The following VPS35L variants were observed in gnomAD, a reference collection of about 807,000 sequenced individuals.
VPS35L encodes VPS35 endosomal protein sorting factor like, also known as VPS35 endosomal protein-sorting factor-like.
Under a neutral mutation model 133.0 loss-of-function variants are expected in VPS35L, and 83 were observed. That is an observed-to-expected ratio of 0.62 (90% confidence interval 0.52 to 0.75). The LOEUF (loss-of-function observed/expected upper bound fraction) is 0.75, where lower values mean the gene tolerates loss of function less well. Ranked by LOEUF, VPS35L falls within the 30% of genes least tolerant of loss-of-function variation. The pLI, the probability that VPS35L is intolerant of heterozygous loss-of-function variation, is 0.00. For missense variants in VPS35L, 1,083 were observed against 1,206.8 expected (o/e 0.90, Z 1.52); for synonymous variants, 423 against 449.9 (o/e 0.94, Z 0.76).
intron 14 of VPS35L, among the ~76,000 whole-genome samples, chr16:19,623,723 T>C (rs890754610): frequency 6.7e-6 from 1 of 149,102 alleles, no homozygotes; most frequent in Non-Finnish European, 1.5e-5. Context: ...GACGTAGATA[T>C]AGATCCCTTT....
intron 14 of VPS35L, among the ~76,000 whole-genome samples, chr16:19,624,251 G>C (rs1488525704): frequency 6.6e-6 from 1 of 151,284 alleles, no homozygotes; most frequent in Non-Finnish European, 1.5e-5. Context: ...GAGTAGCTGG[G>C]ACCACAGGCA....
At chr16:19,570,958 C>G (rs1018141765) in intron 3 of VPS35L, among the ~76,000 whole-genome samples, 35 of 149,592 alleles carry the variant, frequency 2.3e-4, no homozygotes, top group Non-Finnish European at 4.9e-4. Context: ...CTCGCAGCCT[C>G]CACCTCCCAG....
chr16:19,595,556 G>A (rs1164232546), intron 8 of VPS35L, among the ~76,000 whole-genome samples: 3 of 152,068 alleles, frequency 2.0e-5, no homozygotes, highest in East Asian at 1.9e-4. Flanking sequence ...CCTCTCCTAA[G>A]TTTCTTTTGT....
intron 3 of VPS35L, among the ~76,000 whole-genome samples, chr16:19,572,647 T>A (rs1430251499): frequency 6.6e-6 from 1 of 152,128 alleles, no homozygotes; most frequent in East Asian, 1.9e-4. Context: ...AGTTTGAGCA[T>A]TTTTTGATAT....
At chr16:19,680,824 G>A (rs569730923) in intron 27 of VPS35L, among the ~76,000 whole-genome samples, 18 of 152,068 alleles carry the variant, frequency 1.2e-4, no homozygotes, top group Admixed American at 9.2e-4. Context: ...GTGGAAGATC[G>A]CTTGAGCTCA....
chr16:19,671,739 T>C (rs567177191), intron 27 of VPS35L, among the ~76,000 whole-genome samples: 141 of 151,388 alleles, frequency 9.3e-4, no homozygotes, highest in African/African-American at 3.1e-3. Context: ...ATTGTGCCAC[T>C]GTACTCCAGC....
chr16:19,630,960 G>C (rs1333535508), intron 18 of VPS35L, among the ~76,000 whole-genome samples: 1 of 152,106 alleles, frequency 6.6e-6, no homozygotes, highest in Non-Finnish European at 1.5e-5. Context: ...AGTGAGCCAA[G>C]ATTGCACTCC....
intron 27 of VPS35L, among the ~76,000 whole-genome samples, chr16:19,678,293 G>A (rs1359362398): frequency 6.6e-6 from 1 of 152,092 alleles, no homozygotes; most frequent in Non-Finnish European, 1.5e-5. Flanking sequence ...CCCCTGCCAG[G>A]TGCTACCTGG....
intron 8 of VPS35L, among the ~76,000 whole-genome samples, chr16:19,600,058 T>G (rs1263395172): frequency 6.6e-6 from 1 of 151,990 alleles, no homozygotes; most frequent in Non-Finnish European, 1.5e-5. Context: ...AAGGAATGAA[T>G]GTAGATAGGA....
Position 19,625,818 on chromosome 16 carries a change from C to T in VPS35L, c.1225-359C>T, listed in dbSNP as rs28525582. Among the ~76,000 whole-genome samples the T allele has an allele frequency of 5.8e-3, 879 of 152,246 alleles. 10 individuals carry two copies. The highest frequency in any genetic ancestry group is 0.02 in the African/African-American group (819 of 41,544). ...CCCTCTGAGTAGCTGGGATTACAGG[C>T]ACCCGCTATCACACCTGGCTAATTT... On this transcript the variant is annotated intron_variant, in intron 14 of 30. Coordinates refer to ENST00000417362, the MANE Select transcript of VPS35L (RefSeq NM_020314.7).
chr16:19,566,012 A>G (rs1971176645), intron 2 of VPS35L, among the ~76,000 whole-genome samples: 1 of 152,130 alleles, frequency 6.6e-6, no homozygotes, highest in Admixed American at 6.6e-5. Flanking sequence ...CATGTTGGGG[A>G]GAAGAGAAGA....
intron 8 of VPS35L, among the ~76,000 whole-genome samples, chr16:19,596,610 C>A (rs1002551631): frequency 6.6e-6 from 1 of 152,002 alleles, no homozygotes; most frequent in African/African-American, 2.4e-5. Flanking sequence ...AGTTTCACCT[C>A]TGGGAATCTA....
chr16:19,594,674 A>AAAG (rs1972151938), intron 8 of VPS35L, among the ~76,000 whole-genome samples: 1 of 142,814 alleles, frequency 7.0e-6, no homozygotes, highest in Non-Finnish European at 1.5e-5. Context: ...AAAAAAAAGA[A>AAAG]GAGAAAAAAA....
chr16:19,693,375 T>C (rs1459645505), intron 29 of VPS35L, among the ~76,000 whole-genome samples: 1 of 152,032 alleles, frequency 6.6e-6, no homozygotes, highest in Non-Finnish European at 1.5e-5. Flanking sequence ...GCACAATGCC[T>C]CAGACCTGTA....
chr16:19,693,364 G>A (rs1248313192), intron 29 of VPS35L, among the ~76,000 whole-genome samples: 1 of 152,110 alleles, frequency 6.6e-6, no homozygotes, highest in Non-Finnish European at 1.5e-5. Context: ...GAACAGGCCA[G>A]GCACAATGCC....
chr16:19,605,779 C>G (rs1046092974), intron 9 of VPS35L, among the ~76,000 whole-genome samples: 1 of 152,164 alleles, frequency 6.6e-6, no homozygotes, highest in Non-Finnish European at 1.5e-5. Flanking sequence ...AGTTTAGTAT[C>G]TTTAATAGTA....
At chr16:19,567,970 C>CAAA (rs35555593) in intron 2 of VPS35L, among the ~76,000 whole-genome samples, 2 of 113,196 alleles carry the variant, frequency 1.8e-5, no homozygotes, top group East Asian at 5.2e-4. Context: ...ACCCTGTCTC[C>CAAA]AAAAAAAAAA....
intron 14 of VPS35L, among the ~76,000 whole-genome samples, chr16:19,619,080 A>G (rs537816549): frequency 6.6e-6 from 1 of 151,978 alleles, no homozygotes; most frequent in South Asian, 2.1e-4. Context: ...ACAGGCATGC[A>G]TCACCACACT....
Position 19,693,983 on chromosome 16 carries a change from A to C in VPS35L, c.2646+2512A>C, listed in dbSNP as rs543448084. ...AGAAAAAAAAAAAAAAAAAGAAAAAAGGGGGAATAAAAGGGAATAAGTTCT... is the reference window on the plus strand; with the variant it reads ...AGAAAAAAAAAAAAAAAAAGAAAAACGGGGGAATAAAAGGGAATAAGTTCT... On this transcript the variant is annotated intron_variant, in intron 29 of 30. Transcript: ENST00000417362. The C allele has an allele frequency of 1.6e-3, 247 of 151,732 alleles. 2 individuals carry two copies. The highest frequency in any genetic ancestry group is 5.8e-3 in the African/African-American group (240 of 41,406). 9.4% of individuals were successfully genotyped at this position (151,732 alleles called of 1,614,324 possible).
Sources: allele counts gnomAD v4.1 joint callset (sites outside exome capture counted in the v4.1 genomes callset), GRCh38; gene constraint gnomAD v4.1.1; transcripts MANE v1.5; gene names NCBI Gene and HGNC (gene_info 2026-07-23, HGNC 2026-07-21).